Variants in BBS9 observed in about 807,000 individuals in gnomAD.
BBS9 encodes protein PTHB1.
BBS9 carries 89 observed loss-of-function variants against 117.7 expected under a neutral mutation model. The ratio of observed to expected loss-of-function variants is 0.76; its 90% CI spans 0.64 to 0.90. The LOEUF is 0.90. Among genes scored for constraint, BBS9 ranks in the 40% least tolerant of loss-of-function variants. BBS9 has a pLI of 0.00. For missense variants in BBS9, 982 were observed against 1,042.2 expected (o/e 0.94, Z 0.80); for synonymous variants, 379 against 370.9 (o/e 1.02, Z -0.25).
At chr7:33,480,719 T>C (rs1842415301) in intron 19 of BBS9, among the ~76,000 whole-genome samples, 1 of 152,202 alleles carries the variant, frequency 6.6e-6, no homozygotes, top group South Asian at 2.1e-4. Flanking sequence ...CATAGATGTA[T>C]AGCAATATAT....
At chr7:33,147,798 G>A (rs749029992) in intron 2 of BBS9, among the ~76,000 whole-genome samples, 6 of 152,172 alleles carry the variant, frequency 3.9e-5, no homozygotes, top group Non-Finnish European at 7.3e-5. Flanking sequence ...AGTAGGTTAC[G>A]AATATGCTGA....
chr7:33,331,870 A>G (rs1267318560), intron 9 of BBS9, among the ~76,000 whole-genome samples: 1 of 152,218 alleles, frequency 6.6e-6, no homozygotes, highest in Non-Finnish European at 1.5e-5. Flanking sequence ...GAAAATGACC[A>G]TAATGCCCAA....
intron 19 of BBS9, among the ~76,000 whole-genome samples, chr7:33,461,315 C>T (rs1414097599): frequency 6.6e-6 from 1 of 151,928 alleles, no homozygotes; most frequent in African/African-American, 2.4e-5. Flanking sequence ...AGTGGTCTTC[C>T]ACAGCAGTGG....
chr7:33,181,362 G>T (rs2128171920), intron 5 of BBS9, among the ~76,000 whole-genome samples: 1 of 152,278 alleles, frequency 6.6e-6, no homozygotes, highest in South Asian at 2.1e-4. Context: ...ATCCCAAAGT[G>T]CTGGGATTAC....
At chr7:33,385,689 A>C (rs186417845) in intron 18 of BBS9, among the ~76,000 whole-genome samples, 17 of 152,208 alleles carry the variant, frequency 1.1e-4, no homozygotes, top group Admixed American at 9.2e-4. Context: ...TAAATTATAC[A>C]ATTAAAAGAA....
intron 19 of BBS9, among the ~76,000 whole-genome samples, chr7:33,474,471 A>G (rs114387568): frequency 3.3e-3 from 502 of 152,282 alleles, no homozygotes; most frequent in African/African-American, 0.012. Flanking sequence ...TAACATATAA[A>G]TATCAGGTTC....
chr7:33,552,145 T>C (rs1164533521), intron 21 of BBS9, among the ~76,000 whole-genome samples: 1 of 152,192 alleles, frequency 6.6e-6, no homozygotes, highest in African/African-American at 2.4e-5. Flanking sequence ...ATTTTGAGTT[T>C]TTTATTTTTA....
chr7:33,464,950 C>T (rs993704521), intron 19 of BBS9, among the ~76,000 whole-genome samples: 21 of 151,970 alleles, frequency 1.4e-4, no homozygotes, highest in Non-Finnish European at 2.6e-4. Flanking sequence ...CTCAGCTTCC[C>T]GAGTAGCTGG....
At position 33,445,685 on chromosome 7, in the gene BBS9, G is replaced by T. The variant is rs548257389; in HGVS notation, c.2115+57541G>T. Among the ~76,000 whole-genome samples, 193 of 152,226 alleles carry T rather than the reference G, an allele frequency of 1.3e-3. 1 individual carries two copies. The highest frequency in any genetic ancestry group is 4.4e-3 in the African/African-American group (181 of 41,542). On this transcript the variant is annotated intron_variant, in intron 19 of 22. Transcript: ENST00000242067. ...CTCCGCCCAAATCTCATCTTGAATT[G>T]TAATCCCCATAATCCCCATGTGTTG...
intron 9 of BBS9, among the ~76,000 whole-genome samples, chr7:33,333,730 T>C (rs545636894): frequency 3.7e-4 from 56 of 151,964 alleles, no homozygotes; most frequent in African/African-American, 1.2e-3. Flanking sequence ...CCTGCCTCAG[T>C]CTCCTGAGTA....
intron 5 of BBS9, among the ~76,000 whole-genome samples, chr7:33,234,097 G>A (rs1174706210): frequency 3.3e-5 from 5 of 152,008 alleles, no homozygotes; most frequent in Admixed American, 1.3e-4. Flanking sequence ...TGATCACATC[G>A]ACTGTGGTGG....
intron 3 of BBS9, among the ~76,000 whole-genome samples, chr7:33,154,460 A>G (rs1431825644): frequency 1.3e-5 from 2 of 152,036 alleles, no homozygotes; most frequent in Non-Finnish European, 2.9e-5. Context: ...GAGCCTGTTC[A>G]GTATTTTATT....
intron 21 of BBS9, among the ~76,000 whole-genome samples, chr7:33,537,279 C>G (rs1431461925): frequency 6.6e-6 from 1 of 152,104 alleles, no homozygotes; most frequent in Admixed American, 6.5e-5. Context: ...TGGCTGTGCC[C>G]TTTTTTTGCT....
chr7:33,139,221 C>T (rs1791069466), intron 1 of BBS9, among the ~76,000 whole-genome samples: 1 of 151,194 alleles, frequency 6.6e-6, no homozygotes, highest in South Asian at 2.1e-4. Context: ...CATTGCACTC[C>T]AGCCTGGGCA....
chr7:33,349,319 C>T (rs1287654488), intron 13 of BBS9, 149 bp downstream of exon 13: 15 of 689,798 alleles, frequency 2.2e-5, no homozygotes, highest in Non-Finnish European at 2.9e-5. Flanking sequence ...CTTATATTTT[C>T]CCTCTTAGCA....
chr7:33,607,187 G>T (rs962219726), downstream of BBS9, among the ~76,000 whole-genome samples: 1 of 152,026 alleles, frequency 6.6e-6, no homozygotes, highest in Non-Finnish European at 1.5e-5. Context: ...TGTATCAAAA[G>T]GTCAACTAAT....
At chr7:33,539,252 C>G (rs1851905491) in intron 21 of BBS9, among the ~76,000 whole-genome samples, 1 of 152,178 alleles carries the variant, frequency 6.6e-6, no homozygotes, top group South Asian at 2.1e-4. Context: ...TGGGACATGG[C>G]TTTATTCAGC....
chr7:33,480,715 T>C (rs1842414080), intron 19 of BBS9, among the ~76,000 whole-genome samples: 1 of 152,210 alleles, frequency 6.6e-6, no homozygotes, highest in Non-Finnish European at 1.5e-5. Flanking sequence ...GATTCATAGA[T>C]GTATAGCAAT....
chr7:33,460,625 G>C (rs77366741), intron 19 of BBS9, among the ~76,000 whole-genome samples: 4,979 of 151,282 alleles, frequency 0.033, 147 homozygotes, highest in African/African-American at 0.079. Flanking sequence ...AGTCTATTTG[G>C]GATCACTTTT....
Sources: gnomAD v4.1 joint callset for allele counts (sites outside exome capture counted in the v4.1 genomes callset) on GRCh38, gnomAD v4.1.1 for gene constraint, MANE v1.5 for transcripts, NCBI Gene and HGNC (gene_info 2026-07-23, HGNC 2026-07-21) for gene names.